Variants in NAALADL2 observed in about 807,000 individuals in gnomAD.
NAALADL2 encodes the protein inactive N-acetylated-alpha-linked acidic dipeptidase-like protein 2.
Under a neutral mutation model 87.2 loss-of-function variants are expected in NAALADL2, and 76 were observed. That is an observed-to-expected ratio of 0.87 (90% CI 0.72 to 1.05). The LOEUF is 1.05. Among genes scored for constraint, NAALADL2 ranks in the 50% least tolerant of loss-of-function variants. The pLI, the probability that NAALADL2 is intolerant of heterozygous loss-of-function variation, is 0.00. For synonymous variants in NAALADL2, 354 were observed against 331.0 expected, an observed-to-expected ratio of 1.07 and a Z score of -0.75; for missense variants, 1,089 against 945.8, an observed-to-expected ratio of 1.15 and a Z score of -1.99.
chr3:175,415,043 A>G (rs1714323602), intron 5 of NAALADL2, among the ~76,000 whole-genome samples: 1 of 152,188 alleles, frequency 6.6e-6, no homozygotes, highest in African/African-American at 2.4e-5. Context: ...TTTCTTCTTG[A>G]CTTTTCCCTT....
chr3:174,873,958 A>G (rs1030002287), intron 1 of NAALADL2, among the ~76,000 whole-genome samples: 2 of 152,096 alleles, frequency 1.3e-5, no homozygotes, highest in African/African-American at 4.8e-5. Context: ...GTACAAAGGC[A>G]TACTGGCATG....
At chr3:175,035,047 A>T (rs1753244434) in intron 1 of NAALADL2, among the ~76,000 whole-genome samples, 1 of 152,180 alleles carries the variant, frequency 6.6e-6, no homozygotes, top group African/African-American at 2.4e-5. Context: ...GAAGTAATAA[A>T]GGTGGCCATA....
intron 1 of NAALADL2, among the ~76,000 whole-genome samples, chr3:174,868,525 AT>A (rs767900330): frequency 8.5e-5 from 13 of 152,116 alleles, no homozygotes; most frequent in Non-Finnish European, 1.6e-4. Context: ...CCTTATTGTT[AT>A]CCATCATCAT....
intron 1 of NAALADL2, among the ~76,000 whole-genome samples, chr3:174,473,266 A>G (rs1444132597): frequency 1.3e-5 from 2 of 152,146 alleles, no homozygotes; most frequent in African/African-American, 4.8e-5. Flanking sequence ...AGGATTATTA[A>G]GTTTTGAAAA....
chr3:174,743,340 T>C (rs376012366), intron 3 of NAALADL2, among the ~76,000 whole-genome samples: 6 of 151,802 alleles, frequency 4.0e-5, no homozygotes, highest in African/African-American at 1.2e-4. Flanking sequence ...TTTTATACCA[T>C]TGTAAGTGAA....
chr3:175,355,776 G>A (rs1398258239), intron 5 of NAALADL2, among the ~76,000 whole-genome samples: 1 of 152,102 alleles, frequency 6.6e-6, no homozygotes, highest in Non-Finnish European at 1.5e-5. Context: ...TGTAGTAAAT[G>A]GTAGCTGTTA....
chr3:175,143,889 C>T lies in NAALADL2; in HGVS notation c.545+46598C>T, dbSNP rs140094264. Among the ~76,000 whole-genome samples, 219 of 151,958 alleles carry T rather than the reference C, an allele frequency of 1.4e-3. 3 individuals are homozygous for T. The highest frequency in any genetic ancestry group is 5.1e-3 in the African/African-American group (212 of 41,524). Reference sequence around the variant, plus strand: ...TATATTTAACCTCAAAGCTAGTGTTCCCTCTACTTCACTATGCTGGCTTGC... The same window carrying T: ...TATATTTAACCTCAAAGCTAGTGTTTCCTCTACTTCACTATGCTGGCTTGC... On this transcript the variant is annotated intron_variant, in intron 2 of 13. Coordinates refer to ENST00000454872, the MANE Select transcript of NAALADL2 (RefSeq NM_207015.3).
chr3:174,490,992 C>A (rs1350504524), intron 1 of NAALADL2, among the ~76,000 whole-genome samples: 1 of 151,914 alleles, frequency 6.6e-6, no homozygotes, highest in African/African-American at 2.4e-5. Context: ...AAATACTTAT[C>A]CAGAGCTATT....
intron 9 of NAALADL2, among the ~76,000 whole-genome samples, chr3:175,552,901 T>A (rs532411481): frequency 3.3e-5 from 5 of 152,192 alleles, no homozygotes; most frequent in Non-Finnish European, 7.4e-5. Flanking sequence ...TAAGTGATTA[T>A]ATTTTAAGAG....
intron 3 of NAALADL2, among the ~76,000 whole-genome samples, chr3:174,760,208 A>G (rs761097537): frequency 6.6e-6 from 1 of 152,224 alleles, no homozygotes; most frequent in African/African-American, 2.4e-5. Context: ...CTAGTCATTC[A>G]GGTGTCTCCT....
chr3:174,640,244 A>G (rs1431521948), intron 2 of NAALADL2, among the ~76,000 whole-genome samples: 1 of 152,178 alleles, frequency 6.6e-6, no homozygotes, highest in African/African-American at 2.4e-5. Context: ...CATGTAGGCA[A>G]ATGTTTGCTG....
chr3:175,724,313 G>A (rs1742648224), intron 11 of NAALADL2, among the ~76,000 whole-genome samples: 1 of 152,122 alleles, frequency 6.6e-6, no homozygotes, highest in Admixed American at 6.6e-5. Flanking sequence ...TAAGCAACAT[G>A]TAAAGACAAA....
intron 1 of NAALADL2, among the ~76,000 whole-genome samples, chr3:175,019,834 T>A (rs1447303504): frequency 6.6e-6 from 1 of 152,096 alleles, no homozygotes; most frequent in African/African-American, 2.4e-5. Context: ...AATTATTTAG[T>A]TGCATCCAAA....
chr3:175,198,177 G>T (rs1580883941), intron 2 of NAALADL2, among the ~76,000 whole-genome samples: 1 of 151,986 alleles, frequency 6.6e-6, no homozygotes, highest in Non-Finnish European at 1.5e-5. Context: ...ATGCTTTGAA[G>T]TTGTTCCCCA....
intron 5 of NAALADL2, among the ~76,000 whole-genome samples, chr3:175,411,483 T>TG: frequency 1.8e-5 from 1 of 54,190 alleles, no homozygotes; most frequent in Admixed American, 2.6e-4. Flanking sequence ...GGAATTGTTA[T>TG]GGGGGAAAAA....
chr3:174,766,674 A>C (rs994867640), intron 3 of NAALADL2, among the ~76,000 whole-genome samples: 1 of 152,058 alleles, frequency 6.6e-6, no homozygotes, highest in Non-Finnish European at 1.5e-5. Context: ...ATAGAATTGG[A>C]ATCTTTTTAT....
intron 11 of NAALADL2, among the ~76,000 whole-genome samples, chr3:175,639,307 A>G (rs925235623): frequency 2.9e-4 from 41 of 142,772 alleles, no homozygotes; most frequent in Non-Finnish European, 4.9e-4. Context: ...TTTTTTTTCA[A>G]AAGCGTTATT....
At chr3:175,697,168 G>T (rs1450186425) in intron 11 of NAALADL2, among the ~76,000 whole-genome samples, 1 of 151,936 alleles carries the variant, frequency 6.6e-6, no homozygotes, top group Non-Finnish European at 1.5e-5. Flanking sequence ...TAGATTTTAT[G>T]GTGAAATTTA....
intron 3 of NAALADL2, among the ~76,000 whole-genome samples, chr3:174,781,623 T>C (rs1271606156): frequency 2.0e-5 from 3 of 151,896 alleles, no homozygotes; most frequent in Non-Finnish European, 4.4e-5. Flanking sequence ...TGGATAGTGA[T>C]AGAGAGGGAA....
Sources: gnomAD v4.1 joint callset for allele counts (sites outside exome capture counted in the v4.1 genomes callset) on GRCh38, gnomAD v4.1.1 for gene constraint, MANE v1.5 for transcripts, NCBI Gene and HGNC (gene_info 2026-07-23, HGNC 2026-07-21) for gene names.